PDE10A: variants seen among roughly 807,000 people sequenced by gnomAD.
PDE10A encodes the protein phosphodiesterase 10A, also known as cAMP and cAMP-inhibited cGMP 3',5'-cyclic phosphodiesterase 10A.
PDE10A carries 39 observed loss-of-function variants against 97.7 expected under a neutral mutation model. That is an observed-to-expected ratio of 0.40 (90% CI 0.31 to 0.52). The LOEUF (loss-of-function observed/expected upper bound fraction) is 0.52. PDE10A is among the 20% of genes least tolerant of loss of function. The pLI is 0.56. For missense variants in PDE10A, 731 were observed against 1,047.8 expected (o/e 0.70, Z 4.17); for synonymous variants, 371 against 376.8 (o/e 0.98, Z 0.18).
intron 18 of PDE10A, among the ~76,000 whole-genome samples, chr6:165,374,654 G>A (rs1309018354): frequency 6.6e-6 from 1 of 151,936 alleles, no homozygotes; most frequent in Non-Finnish European, 1.5e-5. Context: ...AGCCTTTTCT[G>A]AGAATGTAAT....
At chr6:165,705,618 A>C (rs181867936) in intron 1 of PDE10A, among the ~76,000 whole-genome samples, 4 of 152,356 alleles carry the variant, frequency 2.6e-5, no homozygotes, top group Non-Finnish European at 1.5e-5. Context: ...AATTGACAAT[A>C]AATCAAGCTT....
intron 1 of PDE10A, among the ~76,000 whole-genome samples, chr6:165,726,643 G>A (rs949541179): frequency 3.3e-5 from 5 of 152,160 alleles, no homozygotes; most frequent in Admixed American, 2.6e-4. Flanking sequence ...ATCCTTGTCT[G>A]TTCCTTTGTT....
chr6:165,358,748 T>C (rs1453409703), intron 18 of PDE10A, among the ~76,000 whole-genome samples: 1 of 152,000 alleles, frequency 6.6e-6, no homozygotes, highest in East Asian at 1.9e-4. Context: ...AATCTGTTTT[T>C]GCTCCTCTTG....
At chr6:165,560,239 T>C (rs945462908) in intron 1 of PDE10A, among the ~76,000 whole-genome samples, 3 of 152,210 alleles carry the variant, frequency 2.0e-5, no homozygotes, top group African/African-American at 4.8e-5. Flanking sequence ...TGAAGACTCA[T>C]TGCTGGCTTG....
intron 3 of PDE10A, among the ~76,000 whole-genome samples, chr6:165,468,161 C>T (rs1417297396): frequency 1.3e-5 from 2 of 152,200 alleles, no homozygotes; most frequent in African/African-American, 4.8e-5. Context: ...TCACTGCAAC[C>T]TCTGCCTCCC....
At chr6:165,834,416 C>T (rs1780014767) in intron 1 of PDE10A, among the ~76,000 whole-genome samples, 4 of 152,218 alleles carry the variant, frequency 2.6e-5, no homozygotes, top group Non-Finnish European at 2.9e-5. Flanking sequence ...GGCTAGTGGC[C>T]GGGTGGCTGA....
intron 15 of PDE10A, among the ~76,000 whole-genome samples, chr6:165,393,436 A>G (rs1204786186): frequency 6.6e-6 from 1 of 151,730 alleles, no homozygotes; most frequent in Non-Finnish European, 1.5e-5. Context: ...AAGACCCTAC[A>G]AACTCTCAAA....
At chr6:165,555,980 C>A (rs1361051860) in intron 1 of PDE10A, among the ~76,000 whole-genome samples, 1 of 152,006 alleles carries the variant, frequency 6.6e-6, no homozygotes, top group Non-Finnish European at 1.5e-5. Context: ...AGATTTTCAA[C>A]AATTTGAAAA....
At chr6:165,724,045 C>A (rs534854099) in intron 1 of PDE10A, among the ~76,000 whole-genome samples, 1 of 152,276 alleles carries the variant, frequency 6.6e-6, no homozygotes, top group South Asian at 2.1e-4. Flanking sequence ...AGCATGCAAT[C>A]CATCAAAATT....
chr6:165,639,824 T>C lies in PDE10A; in HGVS notation c.865+22123A>G, dbSNP rs555207401. Among the ~76,000 whole-genome samples the C allele has an allele frequency of 2.0e-5, 3 of 151,954 alleles. No individual in the cohort carries two copies. The East Asian group carries it at 5.8e-4, about 29-fold the overall frequency. On this transcript the variant is annotated intron_variant, in intron 1 of 21. Coordinates refer to ENST00000539869, the MANE Select transcript of PDE10A (RefSeq NM_001385079.1). Reference sequence around the variant, plus strand: ...GGCTCACGCCTGTAATCCCAACACTTTGGGAGGCCAAGGAGGGAGGACTGC... The same window carrying C: ...GGCTCACGCCTGTAATCCCAACACTCTGGGAGGCCAAGGAGGGAGGACTGC...
chr6:165,516,933 A>G (rs1781845325), intron 2 of PDE10A, among the ~76,000 whole-genome samples: 1 of 152,174 alleles, frequency 6.6e-6, no homozygotes, highest in South Asian at 2.1e-4. Context: ...TAAAGAATAC[A>G]GCTTCCAATT....
intron 9 of PDE10A, among the ~76,000 whole-genome samples, chr6:165,429,332 A>G (rs1321426494): frequency 6.6e-6 from 1 of 152,114 alleles, no homozygotes; most frequent in African/African-American, 2.4e-5. Flanking sequence ...ATATGCATGT[A>G]ACGTATGGAA....
chr6:165,931,516 C>CATAAAATTGTAT (rs1783133471), intron 1 of PDE10A, among the ~76,000 whole-genome samples: 1 of 152,190 alleles, frequency 6.6e-6, no homozygotes, highest in Admixed American at 6.5e-5. Flanking sequence ...TGTGGTTTGC[C>CATAAAATTGTAT]ATAAAATTGT....
intron 18 of PDE10A, among the ~76,000 whole-genome samples, chr6:165,355,991 T>TA: frequency 6.6e-6 from 1 of 152,208 alleles, no homozygotes; most frequent in East Asian, 1.9e-4. Context: ...TCAGCAAACT[T>TA]ACAATCATGG....
chr6:165,464,677 A>G (rs7738768), intron 3 of PDE10A, among the ~76,000 whole-genome samples: 5,183 of 152,218 alleles, frequency 0.034, 292 homozygotes, highest in African/African-American at 0.12. Context: ...CTGTCCTCAA[A>G]ACAGCCACTC....
chr6:165,637,691 A>G (rs1475555397), intron 1 of PDE10A, among the ~76,000 whole-genome samples: 1 of 152,198 alleles, frequency 6.6e-6, no homozygotes, highest in Non-Finnish European at 1.5e-5. Context: ...CAAGGATCGG[A>G]AAAAGAAAGG....
intron 1 of PDE10A, chr6:165,948,174 A>G (rs1205354056): frequency 1.3e-5 from 2 of 151,692 alleles, no homozygotes; most frequent in East Asian, 3.8e-4. Context: ...TCTAAATTGC[A>G]AAGTCTTCTT....
At chr6:165,647,669 C>A (rs1194155195) in intron 1 of PDE10A, among the ~76,000 whole-genome samples, 1 of 152,200 alleles carries the variant, frequency 6.6e-6, no homozygotes, top group East Asian at 1.9e-4. Flanking sequence ...AGCTGAACTT[C>A]CTGCAACTAC....
At chr6:165,542,609 G>GTTTTTTTTTTTTT (rs1783506131) in intron 2 of PDE10A, among the ~76,000 whole-genome samples, 1 of 95,910 alleles carries the variant, frequency 1.0e-5, no homozygotes, top group African/African-American at 4.0e-5. Flanking sequence ...AGATGTCCTT[G>GTTTTTTTTTTTTT]TTCTTTTTTT....
Sources: gnomAD v4.1 joint callset for allele counts (sites outside exome capture counted in the v4.1 genomes callset) on GRCh38, gnomAD v4.1.1 for gene constraint, MANE v1.5 for transcripts, NCBI Gene and HGNC (gene_info 2026-07-23, HGNC 2026-07-21) for gene names.